The following FHIT variants were observed in gnomAD, a reference collection of about 807,000 sequenced individuals.
The protein encoded by FHIT is fragile histidine triad diadenosine triphosphatase.
In FHIT, 19 loss-of-function variants were observed where a neutral mutation model predicts 17.9. The ratio of observed to expected loss-of-function variants is 1.06; its 90% CI spans 0.74 to 1.56. FHIT has a LOEUF of 1.56. FHIT is among the 40% of genes most tolerant of loss of function. The probability of loss-of-function intolerance (pLI) is 0.00; values close to 1 mark genes in which losing one functional copy is unlikely to be tolerated. For missense variants in FHIT, 248 were observed against 189.2 expected (o/e 1.31, Z -1.82); for synonymous variants, 81 against 69.7 (o/e 1.16, Z -0.81).
At chr3:60,517,725 T>C (rs2035213272) in intron 5 of FHIT, among the ~76,000 whole-genome samples, 2 of 152,182 alleles carry the variant, frequency 1.3e-5, no homozygotes, top group Admixed American at 6.5e-5. Flanking sequence ...AGACACATTA[T>C]AGTTGTGCCA....
chr3:60,078,788 TAC>T (rs1331798888), intron 5 of FHIT, among the ~76,000 whole-genome samples: 2 of 152,128 alleles, frequency 1.3e-5, no homozygotes, highest in African/African-American at 4.8e-5. Flanking sequence ...ACATATATGG[TAC>T]ACACACTCAT....
chr3:60,113,329 C>T (rs370141159), intron 5 of FHIT, among the ~76,000 whole-genome samples: 2 of 150,412 alleles, frequency 1.3e-5, no homozygotes, highest in East Asian at 1.9e-4. Context: ...GGCTATAATC[C>T]ATGTACTACA....
At chr3:60,697,335 C>T (rs2041137039) in intron 4 of FHIT, among the ~76,000 whole-genome samples, 1 of 152,096 alleles carries the variant, frequency 6.6e-6, no homozygotes, top group Admixed American at 6.6e-5. Flanking sequence ...GCTAGAAATA[C>T]AATGTATTGA....
chr3:60,368,753 CTG>C (rs1419818005), intron 5 of FHIT, among the ~76,000 whole-genome samples: 1 of 152,032 alleles, frequency 6.6e-6, no homozygotes, highest in Non-Finnish European at 1.5e-5. Flanking sequence ...CTGCCTGAGA[CTG>C]TAAGATATTT....
chr3:60,296,351 G>C (rs1006474461), intron 5 of FHIT, among the ~76,000 whole-genome samples: 1 of 152,124 alleles, frequency 6.6e-6, no homozygotes, highest in Non-Finnish European at 1.5e-5. Context: ...ATTTAGTGTT[G>C]TCACCACTTG....
intron 5 of FHIT, among the ~76,000 whole-genome samples, chr3:60,120,377 T>C (rs192901674): frequency 1.3e-5 from 2 of 152,342 alleles, no homozygotes; most frequent in African/African-American, 4.8e-5. Flanking sequence ...ATATTATAAA[T>C]AAAACTTCAC....
chr3:60,881,582 C>CT (rs1355229934), intron 3 of FHIT, among the ~76,000 whole-genome samples: 4 of 152,080 alleles, frequency 2.6e-5, no homozygotes, highest in African/African-American at 9.7e-5. Context: ...TATCAAGTAT[C>CT]TTTTCTGAAC....
chr3:60,697,839 TAGAAAGGAGA>T (rs1245059870), intron 4 of FHIT, among the ~76,000 whole-genome samples: 2 of 152,162 alleles, frequency 1.3e-5, no homozygotes, highest in East Asian at 3.8e-4. Flanking sequence ...CAGCATGCCT[TAGAAAGGAGA>T]GTTTCAAGTC....
intron 5 of FHIT, among the ~76,000 whole-genome samples, chr3:60,199,153 T>A (rs1414793307): frequency 2.0e-5 from 3 of 152,096 alleles, no homozygotes; most frequent in African/African-American, 7.2e-5. Flanking sequence ...TACTAAAAAT[T>A]ACCTTGGGAC....
At chr3:60,276,537 G>C (rs1459461008) in intron 5 of FHIT, among the ~76,000 whole-genome samples, 1 of 152,180 alleles carries the variant, frequency 6.6e-6, no homozygotes, top group African/African-American at 2.4e-5. Context: ...AATAGTGTTT[G>C]TGTCACGAGC....
intron 8 of FHIT, among the ~76,000 whole-genome samples, chr3:59,835,123 T>C (rs1353192534): frequency 6.6e-6 from 1 of 152,178 alleles, no homozygotes; most frequent in African/African-American, 2.4e-5. Context: ...TAATCTCCTC[T>C]CAACACATCG....
intron 5 of FHIT, among the ~76,000 whole-genome samples, chr3:60,119,867 T>C (rs879578912): frequency 1.3e-5 from 2 of 152,154 alleles, no homozygotes; most frequent in Admixed American, 1.3e-4. Context: ...ATGACTTCCT[T>C]TTTATAAAAC....
intron 4 of FHIT, among the ~76,000 whole-genome samples, chr3:60,778,158 A>T (rs1476829953): frequency 6.6e-6 from 1 of 152,186 alleles, no homozygotes; most frequent in Non-Finnish European, 1.5e-5. Flanking sequence ...GGATTTCTAA[A>T]ATTCTAATGT....
intron 3 of FHIT, among the ~76,000 whole-genome samples, chr3:60,863,418 A>T (rs1182181350): frequency 2.0e-5 from 3 of 152,236 alleles, no homozygotes; most frequent in African/African-American, 7.2e-5. Context: ...TGTTGTTTTA[A>T]GTCACTAAAT....
intron 3 of FHIT, among the ~76,000 whole-genome samples, chr3:61,018,100 T>C (rs2032214433): frequency 6.6e-6 from 1 of 152,192 alleles, no homozygotes; most frequent in Non-Finnish European, 1.5e-5. Context: ...TTAATCTTTA[T>C]AATAATCCAT....
At chr3:60,620,401 A>T (rs1553677982) in intron 4 of FHIT, among the ~76,000 whole-genome samples, 1 of 152,210 alleles carries the variant, frequency 6.6e-6, no homozygotes. Context: ...AATTGAGATG[A>T]CCTTCAGTAA....
At chr3:60,523,104 G>T (rs941631632) in intron 5 of FHIT, among the ~76,000 whole-genome samples, 1 of 152,088 alleles carries the variant, frequency 6.6e-6, no homozygotes, top group African/African-American at 2.4e-5. Context: ...AACAGTATGG[G>T]GGAAACCATC....
chr3:60,229,542 A>G (rs907281929), intron 5 of FHIT, among the ~76,000 whole-genome samples: 1 of 152,222 alleles, frequency 6.6e-6, no homozygotes, highest in Non-Finnish European at 1.5e-5. Context: ...ACAGGTGTAC[A>G]CAGTAAAAGT....
chr3:61,212,048 G>A (rs1176608846), intron 1 of FHIT, among the ~76,000 whole-genome samples: 4 of 152,042 alleles, frequency 2.6e-5, no homozygotes, highest in African/African-American at 7.2e-5. Flanking sequence ...CCACAAAGAT[G>A]GGAAAAAACA....
Sources: allele counts gnomAD v4.1 joint callset (sites outside exome capture counted in the v4.1 genomes callset), GRCh38; gene constraint gnomAD v4.1.1; transcripts MANE v1.5; gene names NCBI Gene and HGNC (gene_info 2026-07-23, HGNC 2026-07-21).